Variants in SULT1A2 observed in about 807,000 individuals in gnomAD.
The protein encoded by SULT1A2 is sulfotransferase 1A2.
A neutral mutation model predicts 36.0 loss-of-function variants in SULT1A2; 33 were observed. The observed-to-expected ratio is 0.92, with a 90% confidence interval of 0.69 to 1.22. SULT1A2 has a LOEUF of 1.22. Among genes scored for constraint, SULT1A2 ranks in the 50% most tolerant of loss-of-function variants. SULT1A2 has a pLI of 0.00. For missense variants in SULT1A2, 367 were observed against 383.2 expected, an observed-to-expected ratio of 0.96 and a Z score of 0.35; for synonymous variants, 138 against 144.5, an observed-to-expected ratio of 0.96 and a Z score of 0.32.
Position 28,597,048 on chromosome 16 carries a change from T to G in SULT1A2, c.-56A>C. The G allele has an allele frequency of 7.8e-7, 1 of 1,282,488 alleles. No individual in the cohort carries two copies. Among genetic ancestry groups the G allele is most frequent in the Non-Finnish European group, 1.0e-6 (1 of 983,004 alleles). The allele number at this position is 1,282,488 out of a possible 1,614,324, so 79.4% of individuals were successfully genotyped here. A position where few individuals can be genotyped will look rare whatever the true frequency, so the allele number is the denominator to read the frequency against. ...GCCCTCCTCGCCCGCAGTGGCTGAG[T>G]GTGGGTGTTGTGTGGGGAATGCAGG... On this transcript the variant is annotated 5_prime_UTR_variant, in exon 1 of 8. Coordinates refer to ENST00000335715, the MANE Select transcript of SULT1A2 (RefSeq NM_001054.4).
chr16:28,596,000 C>G (rs1266436979), intron 1 of SULT1A2, 66 bp from the exon 2 acceptor site: 5 of 1,586,114 alleles, frequency 3.2e-6, no homozygotes, highest in Non-Finnish European at 4.3e-6. Context: ...AAGTGGAATT[C>G]TTGCTTTCAG....
intron 1 of SULT1A2, chr16:28,596,506 T>A (rs764682622): frequency 2.2e-5 from 12 of 541,076 alleles, no homozygotes; most frequent in Non-Finnish European, 2.9e-5. Context: ...TGAGCTGGTA[T>A]TGGGGGCCAG....
At chr16:28,592,495 A>AG (rs758817175) in intron 6 of SULT1A2, 52 bp from the exon 7 acceptor site, 1,529 of 1,427,806 alleles carry the variant, frequency 1.1e-3, no homozygotes, top group Non-Finnish European at 1.3e-3. Flanking sequence ...ATTCAGGAAA[A>AG]TAAAAGGGGT....
chr16:28,596,874 T>A, intron 1 of SULT1A2, 123 bp downstream of exon 1: 1 of 573,702 alleles, frequency 1.7e-6, no homozygotes, highest in Non-Finnish European at 2.4e-6. Flanking sequence ...CCGGCCGGGG[T>A]TGTCTGAAAT....
At chr16:28,596,866 G>A (rs547139651) in intron 1 of SULT1A2, 131 bp downstream of exon 1, 10 of 577,042 alleles carry the variant, frequency 1.7e-5, no homozygotes, top group African/African-American at 4.1e-5. Context: ...GATTCAGGCC[G>A]GCCGGGGTTG....
At chr16:28,596,937 G>A (rs2047065341) in intron 1 of SULT1A2, 60 bp downstream of exon 1, 2 of 1,142,204 alleles carry the variant, frequency 1.8e-6, no homozygotes, top group Non-Finnish European at 2.2e-6. Context: ...CTTCTGGAAT[G>A]TTGGAGCCAC....
At chr16:28,596,523 A>C (rs1450217777) in intron 1 of SULT1A2, 1 of 449,066 alleles carries the variant, frequency 2.2e-6, no homozygotes, top group African/African-American at 2.1e-5. Context: ...CCAGAGCCTG[A>C]TGTGGGAATG....
intron 4 of SULT1A2, among the ~76,000 whole-genome samples, chr16:28,594,955 G>T (rs181076430): frequency 1.1e-3 from 165 of 150,970 alleles, no homozygotes; most frequent in African/African-American, 3.8e-3. Flanking sequence ...TAATTTTTTT[G>T]TATTTTTAGT....
intron 6 of SULT1A2, among the ~76,000 whole-genome samples, 167 bp downstream of exon 6, chr16:28,593,085 T>A (rs2047013563): frequency 6.6e-6 from 1 of 152,082 alleles, no homozygotes; most frequent in African/African-American, 2.4e-5. Flanking sequence ...GTGCCCAGCC[T>A]GCTGCCACAT....
chr16:28,595,713 G>A (rs779994982), intron 2 of SULT1A2, 38 bp from the exon 3 acceptor site: 1 of 1,606,044 alleles, frequency 6.2e-7, no homozygotes, highest in East Asian at 2.2e-5. Flanking sequence ...GCAGGCTGAG[G>A]TGAGCATGAC....
At chr16:28,596,872 G>A (rs1596615813) in intron 1 of SULT1A2, 125 bp downstream of exon 1, 1 of 622,824 alleles carries the variant, frequency 1.6e-6, no homozygotes, top group Non-Finnish European at 2.2e-6. Flanking sequence ...GGCCGGCCGG[G>A]GTTGTCTGAA....
At chr16:28,593,198 T>G (rs1567295534) in intron 6 of SULT1A2, 54 bp downstream of exon 6, 21 of 1,609,600 alleles carry the variant, frequency 1.3e-5, no homozygotes, top group Non-Finnish European at 1.1e-5. Flanking sequence ...CAGGTCCCTG[T>G]GAAGTGCCTG....
rs377167955 is a variant in SULT1A2 at position 28,592,150 on chromosome 16, G to A, written c.776-10C>T. 2.1e-4 allele frequency: 333 copies of A among 1,612,190 alleles called. No individual in the cohort carries two copies. The highest frequency in any genetic ancestry group is 6.3e-4 in the Middle Eastern group (3 of 4,746). ...CAGTCCCCAGCCATGCCTGGGGGAG[G>A]AAGGCAGGGAGCAAAGCTGGAGTCT... On this transcript the variant is annotated splice_polypyrimidine_tract_variant and intron_variant, in intron 7 of 7. Transcript: ENST00000335715.
At chr16:28,596,328 T>A (rs2047059558) in intron 1 of SULT1A2, 1 of 1,147,054 alleles carries the variant, frequency 8.7e-7, no homozygotes. Context: ...TCTCACCATT[T>A]CCTGCTGGGA....
In SULT1A2 at chr16:28,591,961, T is replaced by G; in HGVS notation, c.*67A>C. 2.5e-6 allele frequency: 4 copies of G among 1,610,582 alleles called. No homozygotes were observed. Among genetic ancestry groups the G allele is most frequent in the Non-Finnish European group, 3.4e-6 (4 of 1,179,214 alleles). On this transcript the variant is annotated 3_prime_UTR_variant, in exon 8 of 8. Coordinates refer to ENST00000335715, the MANE Select transcript of SULT1A2 (RefSeq NM_001054.4). ...CTCTGCATTGAACACAAATCATACT[T>G]TATTCTGGAGCCTCTTGGTCAGGCT...
chr16:28,596,851 AG>A (rs1022817513), intron 1 of SULT1A2, 145 bp downstream of exon 1: 1 of 386,796 alleles, frequency 2.6e-6, no homozygotes, highest in Non-Finnish European at 4.2e-6. Flanking sequence ...AAAGGAAGGG[AG>A]GGGGATTCAG....
At chr16:28,592,240 C>G (rs774827824) in intron 7 of SULT1A2, 23 bp downstream of exon 7, 1 of 1,613,976 alleles carries the variant, frequency 6.2e-7, no homozygotes, top group East Asian at 2.2e-5. Flanking sequence ...CTGCTCCAAA[C>G]CCCCGTGCTG....
In SULT1A2 at chr16:28,595,352, T is replaced by C; in HGVS notation, c.372+15A>G. 1 of 1,613,872 alleles carries C rather than the reference T, an allele frequency of 6.2e-7. No individual in the cohort carries two copies. Among genetic ancestry groups the C allele is most frequent in the Non-Finnish European group, 8.5e-7 (1 of 1,179,848 alleles). ...TACTGAGATTGCGGGTGTGAACCAC[T>C]GTGCCCAGTCTCACCTTGACCTTCT... On this transcript the variant is annotated intron_variant, in intron 4 of 7. Coordinates refer to ENST00000335715, the MANE Select transcript of SULT1A2 (RefSeq NM_001054.4).
intron 4 of SULT1A2, 108 bp downstream of exon 4, chr16:28,595,259 T>G: frequency 1.4e-6 from 2 of 1,466,982 alleles, no homozygotes; most frequent in Middle Eastern, 2.3e-4. Context: ...CAGCTAAGTT[T>G]TTTTTTTGGA....
Sources: gnomAD v4.1 joint callset for allele counts (sites outside exome capture counted in the v4.1 genomes callset) on GRCh38, gnomAD v4.1.1 for gene constraint, MANE v1.5 for transcripts, NCBI Gene and HGNC (gene_info 2026-07-23, HGNC 2026-07-21) for gene names.